The following TMEM74 variants were observed in gnomAD, a reference collection of about 807,000 sequenced individuals.
The protein encoded by TMEM74 is transmembrane protein 74.
TMEM74 carries 13 observed loss-of-function variants against 18.1 expected under a neutral mutation model. The observed-to-expected ratio is 0.72, with a 90% confidence interval of 0.47 to 1.14. TMEM74 has a LOEUF of 1.14. Ranked by LOEUF, TMEM74 falls within the 50% of genes most tolerant of loss-of-function variation. The pLI, the probability that TMEM74 is intolerant of heterozygous loss-of-function variation, is 0.00. For synonymous variants in TMEM74, 159 were observed against 146.6 expected, an observed-to-expected ratio of 1.08 and a Z score of -0.61; for missense variants, 372 against 375.9, an observed-to-expected ratio of 0.99 and a Z score of 0.09.
intron 1 of TMEM74, among the ~76,000 whole-genome samples, chr8:108,762,463 CA>C (rs1221933981): frequency 1.3e-5 from 2 of 152,046 alleles, no homozygotes; most frequent in African/African-American, 4.8e-5. Context: ...TTCCTGTTTT[CA>C]GTTCCTTTGT....
intron 1 of TMEM74, among the ~76,000 whole-genome samples, chr8:108,656,451 A>G (rs1812822465): frequency 1.3e-5 from 2 of 152,158 alleles, no homozygotes; most frequent in African/African-American, 4.8e-5. Flanking sequence ...GGTTTATTTA[A>G]TAGTCCATTC....
At chr8:108,654,314 G>A (rs1216218096) in intron 2 of TMEM74, among the ~76,000 whole-genome samples, 2 of 152,062 alleles carry the variant, frequency 1.3e-5, no homozygotes, top group East Asian at 1.9e-4. Context: ...TACCTTGTCT[G>A]TGTCTTAGTT....
At position 108,756,650 on chromosome 8, in the gene TMEM74, G is replaced by GAGAAAGAAAGAAAGAAAGAA. The variant is rs71305914; in HGVS notation, n.119+30806_119+30825dup. The stretch of plus-strand genomic sequence containing the variant: ...AGGAAGGAAGGAAGGAAGAAAGAAA[G>GAGAAAGAAAGAAAGAAAGAA]AGAAAGAAAGAAAGAAAGAAAGAAA... On this transcript the variant is annotated intron_variant and non_coding_transcript_variant, in intron 1 of 3. Coordinates refer to the TMEM74 transcript ENST00000518838. 7.3e-3 allele frequency among the ~76,000 whole-genome samples: 199 copies of GAGAAAGAAAGAAAGAAAGAA among 27,090 alleles called. 4 individuals carry two copies. The highest frequency in any genetic ancestry group is 0.021 in the Middle Eastern group (1 of 48). 17.8% of individuals were successfully genotyped at this position (27,090 alleles called of 152,430 possible). A position where few individuals can be genotyped will look rare whatever the true frequency, so the allele number is the denominator to read the frequency against.
intron 1 of TMEM74, among the ~76,000 whole-genome samples, chr8:108,714,560 G>A (rs1256927839): frequency 1.3e-5 from 2 of 152,170 alleles, no homozygotes; most frequent in African/African-American, 2.4e-5. Context: ...CAAAGAAAAG[G>A]GAACGCTTAT....
intron 1 of TMEM74, among the ~76,000 whole-genome samples, chr8:108,689,415 C>T (rs774442359): frequency 2.0e-5 from 3 of 152,152 alleles, no homozygotes; most frequent in Admixed American, 1.3e-4. Context: ...AATTCTAATG[C>T]TGTCAAGTAT....
chr8:108,688,016 C>T (rs930425216), intron 1 of TMEM74, among the ~76,000 whole-genome samples: 2 of 152,100 alleles, frequency 1.3e-5, no homozygotes, highest in African/African-American at 4.8e-5. Flanking sequence ...TGAAATTCTT[C>T]AAGAAAATAT....
chr8:108,616,601 A>C (rs1445690792), intron 2 of TMEM74, among the ~76,000 whole-genome samples: 1 of 152,118 alleles, frequency 6.6e-6, no homozygotes, highest in African/African-American at 2.4e-5. Context: ...CTTGGAAAAC[A>C]CTTCCGTTTC....
intron 1 of TMEM74, among the ~76,000 whole-genome samples, chr8:108,730,012 G>A (rs751363051): frequency 5.3e-5 from 8 of 152,156 alleles, no homozygotes; most frequent in Non-Finnish European, 1.2e-4. Flanking sequence ...GGTTTTCAAA[G>A]AGTCCCAGCG....
chr8:108,615,535 T>C (rs926574645), intron 2 of TMEM74, among the ~76,000 whole-genome samples: 2 of 152,142 alleles, frequency 1.3e-5, no homozygotes, highest in African/African-American at 4.8e-5. Context: ...TCCAGGCTGT[T>C]GTAGGTGGCA....
intron 1 of TMEM74, among the ~76,000 whole-genome samples, chr8:108,662,449 G>A (rs1812909931): frequency 2.0e-5 from 3 of 151,718 alleles, no homozygotes; most frequent in African/African-American, 7.3e-5. Flanking sequence ...AGGAAAGGGA[G>A]TTGCTCTTAT....
At chr8:108,690,978 C>G (rs900685578) in intron 1 of TMEM74, among the ~76,000 whole-genome samples, 2 of 152,166 alleles carry the variant, frequency 1.3e-5, no homozygotes, top group African/African-American at 2.4e-5. Context: ...GGCATGGAGG[C>G]TGGGTTTAAA....
intron 2 of TMEM74, among the ~76,000 whole-genome samples, chr8:108,611,268 C>G (rs1812331247): frequency 6.6e-6 from 1 of 152,118 alleles, no homozygotes; most frequent in East Asian, 1.9e-4. Flanking sequence ...ATTTCCATTT[C>G]CAAAGATTTA....
intron 1 of TMEM74, among the ~76,000 whole-genome samples, chr8:108,675,205 T>A (rs1403349168): frequency 6.6e-6 from 1 of 152,190 alleles, no homozygotes; most frequent in Non-Finnish European, 1.5e-5. Flanking sequence ...CTACCTTTTG[T>A]TTATGGTGTC....
chr8:108,787,357 C>T (rs1246646435), intron 1 of TMEM74, 119 bp downstream of exon 1: 2 of 152,214 alleles, frequency 1.3e-5, no homozygotes, highest in Non-Finnish European at 2.9e-5. Context: ...CGGATGTGTC[C>T]GCCTAGTACT....
chr8:108,709,175 G>A (rs1027109151), intron 1 of TMEM74, among the ~76,000 whole-genome samples: 2 of 152,114 alleles, frequency 1.3e-5, no homozygotes, highest in African/African-American at 2.4e-5. Flanking sequence ...TCCCACTTCT[G>A]TGTATATATC....
chr8:108,616,151 T>C (rs910027274), intron 2 of TMEM74, among the ~76,000 whole-genome samples: 2 of 152,116 alleles, frequency 1.3e-5, no homozygotes, highest in African/African-American at 4.8e-5. Context: ...GCTGAGATGA[T>C]CTTCCAAGAG....
intron 2 of TMEM74, among the ~76,000 whole-genome samples, chr8:108,650,716 T>C (rs1812764636): frequency 6.6e-6 from 1 of 152,032 alleles, no homozygotes; most frequent in African/African-American, 2.4e-5. Flanking sequence ...ATTTATTTAT[T>C]TATTTATTTT....
intron 2 of TMEM74, among the ~76,000 whole-genome samples, chr8:108,627,160 A>C (rs1389148149): frequency 6.6e-6 from 1 of 152,052 alleles, no homozygotes; most frequent in African/African-American, 2.4e-5. Flanking sequence ...TAGAGAGAAC[A>C]AGGTTGCAAA....
intron 1 of TMEM74, among the ~76,000 whole-genome samples, chr8:108,657,702 G>A (rs898444816): frequency 2.0e-5 from 3 of 150,584 alleles, no homozygotes; most frequent in Non-Finnish European, 3.0e-5. Flanking sequence ...AATTAGCTGC[G>A]CATGTTGATG....
Sources: allele counts gnomAD v4.1 joint callset (sites outside exome capture counted in the v4.1 genomes callset), GRCh38; gene constraint gnomAD v4.1.1; transcripts MANE v1.5; gene names NCBI Gene and HGNC (gene_info 2026-07-23, HGNC 2026-07-21).